Variants in CFAP57 observed in about 807,000 individuals in gnomAD.
CFAP57 encodes the protein cilia- and flagella-associated protein 57.
In CFAP57, 116 loss-of-function variants were observed where a neutral mutation model predicts 146.8. That is an observed-to-expected ratio of 0.79 (90% CI 0.68 to 0.92). The LOEUF (loss-of-function observed/expected upper bound fraction) is 0.92. CFAP57 is among the 40% of genes least tolerant of loss of function. CFAP57 has a pLI of 0.00. For synonymous variants in CFAP57, 518 were observed against 552.8 expected (o/e 0.94, Z 0.88); for missense variants, 1,377 against 1,527.2 (o/e 0.90, Z 1.64).
At chr1:43,228,411 A>G (rs1645340209) in intron 18 of CFAP57, among the ~76,000 whole-genome samples, 1 of 127,512 alleles carries the variant, frequency 7.8e-6, no homozygotes, top group Admixed American at 7.2e-5. Context: ...TCCCTCCTCC[A>G]TCTTCTCTAA....
chr1:43,248,509 A>T (rs1646203684), intron 22 of CFAP57, among the ~76,000 whole-genome samples: 1 of 150,940 alleles, frequency 6.6e-6, no homozygotes. Flanking sequence ...TTTAGTAGAG[A>T]TGGGGTTTCA....
Position 43,215,235 on chromosome 1 carries a change from A to G in CFAP57, c.1930-20A>G. On this transcript the variant is annotated intron_variant, in intron 11 of 22. Transcript: ENST00000372492. ...CTGTGGCCTTGAAAGCTTCCTGGCC[A>G]TGACCCTTTTTCTCTTCAGATGTTG... 1.3e-6 allele frequency: 2 copies of G among 1,550,960 alleles called. No individual in the cohort carries two copies. The highest frequency in any genetic ancestry group is 1.7e-6 in the Non-Finnish European group (2 of 1,146,964).
chr1:43,172,948 A>G (rs1388788481), intron 2 of CFAP57, 38 bp downstream of exon 2: 2 of 1,580,700 alleles, frequency 1.3e-6, no homozygotes, highest in Admixed American at 3.3e-5. Flanking sequence ...CAGGAATGGT[A>G]TGTGCCACAT....
Position 43,243,286 on chromosome 1 carries a change from G to A in CFAP57, c.3465G>A (p.Arg1155=). Residue 1155 remains arginine (R), a synonymous_variant, in exon 22 of 23, where the codon CGG becomes CGA. Coordinates refer to ENST00000372492, the MANE Select transcript of CFAP57 (RefSeq NM_001378189.1). ...NELRRELKFT[R]SQVYDLEAAL... is the part of the protein sequence containing the mutation. ...TCCGCAGGGAGCTGAAGTTCACTCG[G>A]TCCCAAGTCTATGACCTTGAAGCAG... The A allele has an allele frequency of 6.5e-7, 1 of 1,549,866 alleles. No individual in the cohort carries two copies. Among genetic ancestry groups the A allele is most frequent in the Non-Finnish European group, 8.7e-7 (1 of 1,146,556 alleles).
chr1:43,183,456 T>G, intron 3 of CFAP57, 135 bp from the exon 4 acceptor site: 1 of 815,764 alleles, frequency 1.2e-6, no homozygotes, highest in Non-Finnish European at 2.0e-6. Context: ...AAATGCAGCA[T>G]AAAGTTACAT....
chr1:43,210,372 C>G (rs986258544), intron 11 of CFAP57: 2 of 1,293,248 alleles, frequency 1.5e-6, no homozygotes, highest in South Asian at 3.7e-5. Context: ...TTCCATTCAC[C>G]CTTCTCATAA....
rs187149129 is a variant in CFAP57 at position 43,180,490 on chromosome 1, G to A, written c.158-1044G>A. ...CAGGGAGCGTGAGTGAGGCAAGGGA[G>A]GATGAGCTAGAGAGTGATGTGACGG... On this transcript the variant is annotated intron_variant, in intron 2 of 22. Coordinates refer to ENST00000372492, the MANE Select transcript of CFAP57 (RefSeq NM_001378189.1). Among the ~76,000 whole-genome samples the A allele has an allele frequency of 3.3e-3, 506 of 152,162 alleles. 1 individual carries two copies. The Middle Eastern group carries it at 0.041, about 12-fold the overall frequency.
intron 7 of CFAP57, 22 bp downstream of exon 7, chr1:43,197,714 T>C (rs1643925115): frequency 1.2e-6 from 2 of 1,613,858 alleles, no homozygotes; most frequent in East Asian, 4.5e-5. Context: ...AAGGCTTGCC[T>C]ACTTTATTAT....
chr1:43,251,192 C>G (rs1174770313), intron 22 of CFAP57, among the ~76,000 whole-genome samples: 1 of 152,216 alleles, frequency 6.6e-6, no homozygotes, highest in African/African-American at 2.4e-5. Context: ...GGTCAAGGTC[C>G]TGGTGCTTGC....
intron 6 of CFAP57, among the ~76,000 whole-genome samples, chr1:43,188,453 C>CT (rs1449987070): frequency 6.6e-6 from 1 of 152,102 alleles, no homozygotes; most frequent in Non-Finnish European, 1.5e-5. Context: ...TTGTTATTAT[C>CT]TTTTTTATTA....
intron 2 of CFAP57, among the ~76,000 whole-genome samples, chr1:43,173,379 TATTC>T (rs1471427314): frequency 1.3e-5 from 2 of 152,244 alleles, no homozygotes; most frequent in Admixed American, 1.3e-4. Flanking sequence ...CTGTTAATGA[TATTC>T]ATTATTTCAA....
rs563608085 is a variant in CFAP57, at chr1:43,201,122, A to G, written c.1542+1619A>G. 4.5e-4 allele frequency among the ~76,000 whole-genome samples: 68 copies of G among 152,306 alleles called. No individual in the cohort carries two copies. Among genetic ancestry groups the G allele is most frequent in the African/African-American group, 1.4e-3 (57 of 41,582 alleles). ...GTCAGGAGAGAAGTCAGGGCTGAGT[A>G]TGAAGATTCGGGGAATTAGAAAGTA... On this transcript the variant is annotated intron_variant, in intron 9 of 22. Transcript: ENST00000372492. This position sits in a 1 kb window ranked among gnomAD's most constrained non-coding sequence, Gnocchi z 4.4.
intron 2 of CFAP57, among the ~76,000 whole-genome samples, chr1:43,176,836 G>C (rs544265965): frequency 6.6e-6 from 1 of 152,314 alleles, no homozygotes; most frequent in South Asian, 2.1e-4. Context: ...AAGACTGAAG[G>C]AAAGGAAGGA....
intron 12 of CFAP57, among the ~76,000 whole-genome samples, chr1:43,217,448 T>C (rs1035376849): frequency 3.9e-5 from 6 of 152,056 alleles, no homozygotes; most frequent in African/African-American, 1.5e-4. Context: ...CATTGATAAG[T>C]ATTCATTCAG....
chr1:43,244,044 C>T (rs1646024801), intron 22 of CFAP57, among the ~76,000 whole-genome samples: 1 of 152,198 alleles, frequency 6.6e-6, no homozygotes, highest in Non-Finnish European at 1.5e-5. Flanking sequence ...CTCTGAGAAA[C>T]TTACCACATG....
chr1:43,175,332 A>G (rs1354694028), intron 2 of CFAP57, among the ~76,000 whole-genome samples: 9 of 151,864 alleles, frequency 5.9e-5, no homozygotes, highest in Admixed American at 5.9e-4. Context: ...TAGTATATAT[A>G]CATACATATA....
chr1:43,179,108 G>A (rs927535487), intron 2 of CFAP57, among the ~76,000 whole-genome samples: 10 of 152,146 alleles, frequency 6.6e-5, no homozygotes, highest in Non-Finnish European at 1.2e-4. Flanking sequence ...ACACAGGAAA[G>A]GGAACATCAC....
intron 2 of CFAP57, among the ~76,000 whole-genome samples, chr1:43,180,211 A>T (rs1417680398): frequency 6.9e-6 from 1 of 144,204 alleles, no homozygotes; most frequent in East Asian, 2.0e-4. Context: ...TATCTCAAAA[A>T]ATATATATAT....
Position 43,219,489 on chromosome 1 carries a change from A to G in CFAP57, c.2199A>G (p.Leu733=), listed in dbSNP as rs1167004206. 6.4e-7 allele frequency: 1 copy of G among 1,550,598 alleles called. No homozygotes were observed. The highest frequency in any genetic ancestry group is 1.2e-5 in the South Asian group (1 of 84,054). The change falls in exon 13 of 23, where the codon CTA becomes CTG. Residue 733 remains leucine (L), a synonymous_variant. Transcript: ENST00000372492. ...DMNYSEKIKE[L]TDKFIQEMES... is the part of the protein sequence containing the mutation. ...ACTATTCTGAGAAGATTAAGGAGCT[A>G]ACAGACAAGTTCATCCAGGAAATGG...
Sources: allele counts gnomAD v4.1 joint callset (sites outside exome capture counted in the v4.1 genomes callset), GRCh38; gene constraint gnomAD v4.1.1; non-coding constraint Gnocchi (gnomAD v3.1); transcripts MANE v1.5; gene names NCBI Gene and HGNC (gene_info 2026-07-23, HGNC 2026-07-21).